Variants in NFYC observed in about 807,000 individuals in gnomAD.
The protein encoded by NFYC is nuclear transcription factor Y subunit gamma, also known as CAAT box DNA-binding protein subunit C.
NFYC carries 25 observed loss-of-function variants against 53.1 expected under a neutral mutation model. That is an observed-to-expected ratio of 0.47 (90% CI 0.34 to 0.66). NFYC has a LOEUF of 0.66. Among genes scored for constraint, NFYC ranks in the 30% least tolerant of loss-of-function variants. The pLI, the probability that NFYC is intolerant of heterozygous loss-of-function variation, is 0.01. For missense variants in NFYC, 260 were observed against 422.7 expected (o/e 0.62, Z 3.38); for synonymous variants, 145 against 152.6 (o/e 0.95, Z 0.37).
At chr1:40,752,380 C>G (rs1266102672) in intron 4 of NFYC, among the ~76,000 whole-genome samples, 1 of 152,066 alleles carries the variant, frequency 6.6e-6, no homozygotes, top group Non-Finnish European at 1.5e-5. Context: ...GTACACAAAT[C>G]TTAACTATAC....
chr1:40,722,643 TC>T (rs1457904613), intron 1 of NFYC, among the ~76,000 whole-genome samples: 2 of 152,230 alleles, frequency 1.3e-5, no homozygotes, highest in Admixed American at 1.3e-4. Context: ...TTTGAGGCCT[TC>T]TAACATGTGT....
In NFYC at chr1:40,738,092, C is replaced by T. The variant is rs1252527453; in HGVS notation, c.-8-744C>T. The stretch of plus-strand genomic sequence containing the variant: ...TAATTTTTTGTATTTTTAGTAGAGA[C>T]GGGGTTTCACTGTTTTAGCCAGGAT... On this transcript the variant is annotated intron_variant, in intron 1 of 9. Transcript: ENST00000447388. Among the ~76,000 whole-genome samples the T allele has an allele frequency of 5.9e-5, 9 of 151,834 alleles. No homozygotes were observed. In the South Asian group the frequency reaches 6.2e-4, roughly 11 times the overall value.
intron 1 of NFYC, chr1:40,730,532 A>G (rs1403427632): frequency 2.0e-6 from 2 of 983,934 alleles, no homozygotes; most frequent in East Asian, 1.1e-4. Context: ...AACAAGGTAT[A>G]GTTGTAAAAA....
At chr1:40,756,665 G>A (rs1646240163) in intron 5 of NFYC, among the ~76,000 whole-genome samples, 1 of 152,146 alleles carries the variant, frequency 6.6e-6, no homozygotes, top group Non-Finnish European at 1.5e-5. Context: ...CCAAAAGAGA[G>A]TTTAGAGACT....
At chr1:40,764,440 A>C (rs1229189880) in intron 7 of NFYC, among the ~76,000 whole-genome samples, 1 of 152,196 alleles carries the variant, frequency 6.6e-6, no homozygotes, top group African/African-American at 2.4e-5. Flanking sequence ...CAGATGACTG[A>C]GCTCTGCCTT....
In NFYC at chr1:40,759,559, A is replaced by G. The variant is rs904804486; in HGVS notation, c.561+1265A>G. ...TCAAAAAAAAAACAAAAAAAAGTAT[A>G]TGTGTGTGTGTGTGTGTATGTGTGT... is the stretch of plus-strand genomic sequence containing the variant. On this transcript the variant is annotated intron_variant, in intron 6 of 9. Coordinates refer to ENST00000447388, the MANE Select transcript of NFYC (RefSeq NM_014223.5). Among the ~76,000 whole-genome samples, 146 of 149,320 alleles carry G rather than the reference A, an allele frequency of 9.8e-4. 1 individual carries two copies. Among genetic ancestry groups the G allele is most frequent in the East Asian group, 6.5e-3 (33 of 5,100 alleles).
At chr1:40,760,699 G>T (rs1646495937) in intron 6 of NFYC, among the ~76,000 whole-genome samples, 1 of 151,036 alleles carries the variant, frequency 6.6e-6, no homozygotes. Flanking sequence ...CAATCTGGGT[G>T]ACAGAGCGAG....
At chr1:40,739,070 A>G in intron 2 of NFYC, 122 bp downstream of exon 2, 4 of 693,768 alleles carry the variant, frequency 5.8e-6, no homozygotes, top group South Asian at 5.5e-5. Context: ...GGCATGGTTC[A>G]CCCCTGACCT....
In NFYC at chr1:40,733,019, CT is replaced by C. The variant is rs11446084; in HGVS notation, c.-8-5805del. Among the ~76,000 whole-genome samples the C allele has an allele frequency of 2.7e-3, 277 of 103,182 alleles. 1 individual carries two copies. Among genetic ancestry groups the C allele is most frequent in the African/African-American group, 8.0e-3 (211 of 26,280 alleles). The allele number at this position is 103,182 out of a possible 152,430, so 67.7% of individuals were successfully genotyped here. A position where few individuals can be genotyped will look rare whatever the true frequency, so the allele number is the denominator to read the frequency against. On this transcript the variant is annotated intron_variant, in intron 1 of 9. Coordinates refer to ENST00000447388, the MANE Select transcript of NFYC (RefSeq NM_014223.5). ...GCTTTCCAAGATTCGCCCCCCCCCC[CT>C]TTTTTTTTTTTCCTGAAAGGCCATA... is the stretch of plus-strand genomic sequence containing the variant.
chr1:40,769,478 A>G, intron 9 of NFYC, 63 bp downstream of exon 9: 3 of 1,481,204 alleles, frequency 2.0e-6, no homozygotes, highest in Admixed American at 1.7e-5. Flanking sequence ...AGCAGGTAGT[A>G]TCTGGGTTTG....
At chr1:40,738,754 C>A in intron 1 of NFYC, 82 bp from the exon 2 acceptor site, 2 of 956,956 alleles carry the variant, frequency 2.1e-6, no homozygotes, top group South Asian at 3.0e-5. Flanking sequence ...TAAAAACATC[C>A]ACAAATATAC....
chr1:40,742,401 G>A (rs564640930), intron 2 of NFYC, among the ~76,000 whole-genome samples: 10 of 152,120 alleles, frequency 6.6e-5, no homozygotes, highest in South Asian at 2.1e-4. Context: ...AACCTACTTG[G>A]TTTACAAGTT....
intron 1 of NFYC, among the ~76,000 whole-genome samples, chr1:40,725,260 T>C (rs1644469369): frequency 6.6e-6 from 1 of 152,194 alleles, no homozygotes; most frequent in South Asian, 2.1e-4. Context: ...ATTCATTCAT[T>C]TATTGCATCT....
intron 1 of NFYC, among the ~76,000 whole-genome samples, chr1:40,703,859 A>G (rs937647555): frequency 2.6e-5 from 4 of 152,292 alleles, no homozygotes; most frequent in Middle Eastern, 3.4e-3. Context: ...TTAAGCCTCA[A>G]CACTCCTGTT....
At chr1:40,696,659 G>A (rs1643163948) in intron 1 of NFYC, among the ~76,000 whole-genome samples, 1 of 152,172 alleles carries the variant, frequency 6.6e-6, no homozygotes, top group South Asian at 2.1e-4. Context: ...TTCATTCACC[G>A]GAATGAGAAT....
chr1:40,743,938 C>T (rs1645479874), intron 2 of NFYC, among the ~76,000 whole-genome samples: 1 of 152,220 alleles, frequency 6.6e-6, no homozygotes, highest in South Asian at 2.1e-4. Context: ...TAGTCCTTAA[C>T]TCTCACTTGG....
chr1:40,749,762 A>G lies in NFYC; in HGVS notation c.291+76A>G, dbSNP rs1645808095. On this transcript the variant is annotated intron_variant, in intron 4 of 9. Coordinates refer to ENST00000447388, the MANE Select transcript of NFYC (RefSeq NM_014223.5). The stretch of plus-strand genomic sequence containing the variant: ...CCTGTTTTCCTGCGTGGTGTTGGAG[A>G]AAGATTGTTCTCCTTTAGGACCAAA... 4.1e-6 allele frequency: 5 copies of G among 1,210,890 alleles called. No homozygotes were observed. In the Admixed American group the frequency reaches 8.6e-5, roughly 21 times the overall value. 75.0% of individuals were successfully genotyped at this position (1,210,890 alleles called of 1,614,324 possible).
At chr1:40,763,638 C>CG in intron 7 of NFYC, 1 of 339,090 alleles carries the variant, frequency 2.9e-6, no homozygotes, top group Non-Finnish European at 5.8e-6. Context: ...TGAGCCATCA[C>CG]GCCCAGCCCT....
chr1:40,713,806 T>G (rs907173134), intron 1 of NFYC, among the ~76,000 whole-genome samples: 6 of 152,246 alleles, frequency 3.9e-5, no homozygotes, highest in Non-Finnish European at 8.8e-5. Flanking sequence ...TTATTTTTCA[T>G]GTTTCTTTTC....
Sources: allele counts gnomAD v4.1 joint callset (sites outside exome capture counted in the v4.1 genomes callset), GRCh38; gene constraint gnomAD v4.1.1; transcripts MANE v1.5; gene names NCBI Gene and HGNC (gene_info 2026-07-23, HGNC 2026-07-21).